Variants in PHF8 observed in about 807,000 individuals in gnomAD.
The protein encoded by PHF8 is PHD finger protein 8, also known as histone lysine demethylase PHF8.
In PHF8, 9 loss-of-function variants were observed where a neutral mutation model predicts 74.4. The ratio of observed to expected loss-of-function variants is 0.12; its 90% CI spans 0.07 to 0.21. The LOEUF is 0.21. PHF8 is among the 10% of genes least tolerant of loss of function. The pLI, the probability that PHF8 is intolerant of heterozygous loss-of-function variation, is 1.00. For synonymous variants in PHF8, 311 were observed against 316.6 expected, an observed-to-expected ratio of 0.98 and a Z score of 0.19; for missense variants, 478 against 816.6, an observed-to-expected ratio of 0.59 and a Z score of 5.05.
chrX:53,969,451 C>T (rs1456396957), intron 18 of PHF8, among the ~76,000 whole-genome samples: 1 of 110,942 alleles, frequency 9.0e-6, no homozygotes, highest in Non-Finnish European at 1.9e-5. Context: ...CTACAAAACA[C>T]TGATGAAAAA....
chrX:54,033,364 C>T (rs782122355), intron 2 of PHF8, among the ~76,000 whole-genome samples: 4 of 111,990 alleles, frequency 3.6e-5, no homozygotes, highest in East Asian at 5.6e-4. Context: ...ATTTTAAAGG[C>T]GCCATCATAA....
chrX:54,045,088 C>T (rs1477084248), upstream of PHF8: 26 of 411,461 alleles, frequency 6.3e-5, no homozygotes, highest in East Asian at 8.8e-4. Context: ...CAGTGTAGTT[C>T]CTCTGTAAAG....
chrX:54,042,540 C>T (rs2066577258), intron 2 of PHF8, 91 bp downstream of exon 2: 1 of 809,915 alleles, frequency 1.2e-6, no homozygotes, highest in Non-Finnish European at 1.8e-6. Context: ...GGTCCTGAGC[C>T]GGAATCTAAA....
chrX:54,013,530 A>G lies in PHF8; in HGVS notation c.783+847T>C, dbSNP rs1557107181. ...TATAAACTGGTTCAATTAAGAAGGT[A>G]AGAACGGCTGGGTGCAGTGGCTCAC... On this transcript the variant is annotated intron_variant, in intron 7 of 21. Coordinates refer to ENST00000338154, the MANE Select transcript of PHF8 (RefSeq NM_015107.3). Among the ~76,000 whole-genome samples the G allele has an allele frequency of 5.4e-5, 6 of 111,769 alleles. No individual in the cohort carries two copies. The South Asian group carries it at 1.1e-3, about 21-fold the overall frequency.
At chrX:53,989,509 GA>G (rs1187866367) in intron 14 of PHF8, among the ~76,000 whole-genome samples, 5 of 98,960 alleles carry the variant, frequency 5.1e-5, no homozygotes, top group South Asian at 9.3e-4. Flanking sequence ...CAGTCAAAAA[GA>G]AAAAAAAAAC....
At position 53,940,321 on chromosome X, in the gene PHF8, G is replaced by A. The variant is rs1342892989; in HGVS notation, c.2845C>T (p.Leu949Phe). Residue 949 changes from leucine (L) to phenylalanine (F), a missense_variant, in exon 21 of 22, where the codon CTC becomes TTC. Transcript: ENST00000338154. ...CGAGCGGTGTACTCATGGTCAGCGA[G>A]ACTTCCTGACAGGGCCTCTTGTTTA... ...EPKQEALSGS[L>F]ADHEYTARPN... 5.0e-6 allele frequency: 6 copies of A among 1,207,728 alleles called. No individual in the cohort carries two copies. The highest frequency in any genetic ancestry group is 6.7e-6 in the Non-Finnish European group (6 of 894,138).
chrX:54,017,521 G>C, intron 5 of PHF8, 140 bp downstream of exon 5: 4 of 511,544 alleles, frequency 7.8e-6, no homozygotes, highest in Non-Finnish European at 1.4e-5. Context: ...CTCTGCCAAA[G>C]AATGACTTTG....
chrX:53,969,697 G>GA (rs1196265313), intron 18 of PHF8, among the ~76,000 whole-genome samples: 1 of 112,002 alleles, frequency 8.9e-6, no homozygotes, highest in African/African-American at 3.2e-5. Flanking sequence ...AAAGCTGGAA[G>GA]CCTCATACTA....
At position 53,968,647 on chromosome X, in the gene PHF8, G is replaced by A. The variant is rs963129236; in HGVS notation, c.2444-5708C>T. Among the ~76,000 whole-genome samples the A allele has an allele frequency of 3.6e-5, 4 of 112,532 alleles. No individual in the cohort carries two copies. In the Admixed American group the frequency reaches 3.8e-4, roughly 11 times the overall value. On this transcript the variant is annotated intron_variant, in intron 18 of 21. Coordinates refer to ENST00000338154, the MANE Select transcript of PHF8 (RefSeq NM_015107.3). ...GGCCTCGCCGGGCACGGTGGCTCAC[G>A]CCTGTAATCCCAGCACTTTGGAAGG...
At chrX:53,987,321 G>A (rs2065581380) in intron 15 of PHF8, among the ~76,000 whole-genome samples, 158 bp from the exon 16 acceptor site, 1 of 111,914 alleles carries the variant, frequency 8.9e-6, no homozygotes, top group African/African-American at 3.2e-5. Context: ...TTAGAACAAA[G>A]GAAACAATGA....
At chrX:53,958,557 G>A (rs1422729598) in intron 19 of PHF8, among the ~76,000 whole-genome samples, 12 of 103,646 alleles carry the variant, frequency 1.2e-4, no homozygotes, top group Admixed American at 2.1e-4. Flanking sequence ...CGAGGCGGGC[G>A]GATCACGAGG....
chrX:53,971,781 G>A (rs1327663595), intron 18 of PHF8, among the ~76,000 whole-genome samples: 1 of 111,246 alleles, frequency 9.0e-6, no homozygotes, highest in African/African-American at 3.3e-5. Flanking sequence ...GAATGAACTA[G>A]GAAGGAACTG....
At position 54,022,660 on chromosome X, in the gene PHF8, T is replaced by C. The variant is rs782165371; in HGVS notation, c.184+98A>G. ...TCTGCTATTTCCTGAGGAAGAAGAA[T>C]CACAAGTGCTCAGGCAAAAGCAATC... On this transcript the variant is annotated intron_variant, in intron 3 of 21. Coordinates refer to ENST00000338154, the MANE Select transcript of PHF8 (RefSeq NM_015107.3). 3.1e-4 allele frequency: 173 copies of C among 562,282 alleles called. 1 individual carries two copies. In the Middle Eastern group the frequency reaches 6.2e-3, roughly 20 times the overall value. The allele number at this position is 562,282 out of a possible 1,213,427, so 46.3% of individuals were successfully genotyped here.
chrX:54,017,125 C>T (rs1191025489), intron 5 of PHF8, among the ~76,000 whole-genome samples: 1 of 112,861 alleles, frequency 8.9e-6, no homozygotes, highest in African/African-American at 3.2e-5. Context: ...AGGTAAAAAA[C>T]GGAGCTCAAC....
At chrX:53,952,973 A>C (rs1025774413) in intron 19 of PHF8, among the ~76,000 whole-genome samples, 3 of 109,408 alleles carry the variant, frequency 2.7e-5, no homozygotes, top group Admixed American at 9.8e-5. Flanking sequence ...TCCCCAGGAC[A>C]ACCACTAAGA....
At chrX:54,041,325 A>G (rs1393949405) in intron 2 of PHF8, among the ~76,000 whole-genome samples, 1 of 107,767 alleles carries the variant, frequency 9.3e-6, no homozygotes, top group Non-Finnish European at 1.9e-5. Context: ...CAGAGGTTGC[A>G]GTGAGCTGAG....
chrX:53,993,572 T>C (rs368182934), intron 13 of PHF8, 29 bp downstream of exon 13: 25 of 1,183,741 alleles, frequency 2.1e-5, no homozygotes, highest in Non-Finnish European at 2.5e-5. Context: ...CCCAAAAGGG[T>C]TGGGCTGAAC....
chrX:53,963,730 A>G (rs1330587514), intron 18 of PHF8, among the ~76,000 whole-genome samples: 2 of 112,380 alleles, frequency 1.8e-5, no homozygotes, highest in Admixed American at 9.4e-5. Context: ...AAAAGTCAGG[A>G]AACAACAGAT....
At position 53,940,297 on chromosome X, in the gene PHF8, G is replaced by A. The variant is rs1364840429; in HGVS notation, c.2869C>T (p.Arg957Cys). 1 of 1,206,588 alleles carries A rather than the reference G, an allele frequency of 8.3e-7. No homozygotes were observed. The highest frequency in any genetic ancestry group is 1.1e-6 in the Non-Finnish European group (1 of 892,529). Residue 957 changes from arginine to cysteine, a missense_variant, in exon 21 of 22, where the codon CGT becomes TGT. By Grantham distance (180) the Arg-to-Cys change is radical. Around this residue, in one of 9 missense-constraint regions of PHF8, gnomAD observed 75 missense variants for 93.3 expected, o/e 0.80. Coordinates refer to ENST00000338154, the MANE Select transcript of PHF8 (RefSeq NM_015107.3). The stretch of plus-strand genomic sequence containing the variant: ...TGGGCCATGCCAAAGGCATTGGGAC[G>A]AGCGGTGTACTCATGGTCAGCGAGA... The part of the protein sequence containing the change: ...GSLADHEYTA[R>C]PNAFGMAQAN...
Sources: gnomAD v4.1 joint callset for allele counts (sites outside exome capture counted in the v4.1 genomes callset) on GRCh38, gnomAD v4.1.1 for gene constraint, gnomAD v4.1.1 regional missense constraint, MANE v1.5 for transcripts, NCBI Gene and HGNC (gene_info 2026-07-23, HGNC 2026-07-21) for gene names.